The following NECAB2 variants were observed in gnomAD, a reference collection of about 807,000 sequenced individuals.
The protein encoded by NECAB2 is N-terminal EF-hand calcium-binding protein 2.
Under a neutral mutation model 51.9 loss-of-function variants are expected in NECAB2, and 68 were observed. The ratio of observed to expected loss-of-function variants is 1.31; its 90% CI spans 1.08 to 1.60. The LOEUF is 1.60. Ranked by LOEUF, NECAB2 falls within the 40% of genes most tolerant of loss-of-function variation. The probability of loss-of-function intolerance (pLI) is 0.00; values close to 1 mark genes in which losing one functional copy is unlikely to be tolerated. For synonymous variants in NECAB2, 329 were observed against 203.5 expected, an observed-to-expected ratio of 1.62 and a Z score of -5.25; for missense variants, 854 against 490.3, an observed-to-expected ratio of 1.74 and a Z score of -7.00.
intron 5 of NECAB2, among the ~76,000 whole-genome samples, 193 bp from the exon 6 acceptor site, chr16:83,990,301 C>G (rs969197545): frequency 2.6e-5 from 4 of 152,182 alleles, no homozygotes; most frequent in Non-Finnish European, 5.9e-5. Context: ...CAAATTTGGT[C>G]TCTAAACCTC....
chr16:83,997,183 G>C (rs1457866936), intron 8 of NECAB2, 33 bp from the exon 9 acceptor site: 3 of 1,613,810 alleles, frequency 1.9e-6, no homozygotes, highest in East Asian at 2.2e-5. Context: ...TGGGGCTCTG[G>C]GTCTAGCATC....
Position 83,972,137 on chromosome 16 carries a change from T to C in NECAB2, c.202-14T>C. The C allele has an allele frequency of 1.9e-6, 3 of 1,613,182 alleles. No individual in the cohort carries two copies. The highest frequency in any genetic ancestry group is 2.5e-6 in the Non-Finnish European group (3 of 1,179,982). On this transcript the variant is annotated splice_polypyrimidine_tract_variant and intron_variant, in intron 1 of 12. Coordinates refer to ENST00000305202, the MANE Select transcript of NECAB2 (RefSeq NM_019065.3). The stretch of plus-strand genomic sequence containing the variant: ...TCCCTGGCCCAGGGCTGACTCCGCC[T>C]CTCTTTTCTGCAGATTTTCCGCCGT...
Position 83,994,382 on chromosome 16 carries a change from A to G in NECAB2, c.677A>G (p.Lys226Arg), listed in dbSNP as rs1567675576. 2 of 1,614,156 alleles carry G rather than the reference A, an allele frequency of 1.2e-6. No individual in the cohort carries two copies. Among genetic ancestry groups the G allele is most frequent in the Admixed American group, 1.7e-5 (1 of 60,012 alleles). ...ACTCCCGCCTCTGCCCCCAACCACA[A>G]GCTCATGGCTATGGAACAAGGCAAG... Reference protein sequence around the residue: ...SPTPASAPNHKLMAMEQGKTL... With the variant: ...SPTPASAPNHRLMAMEQGKTL... Residue 226 changes from lysine (K) to arginine (R), a missense_variant, in exon 7 of 13, where the codon AAG becomes AGG. Transcript: ENST00000305202.
At chr16:83,965,302 C>T (rs371180077), upstream of NECAB2, 9 of 1,596,164 alleles carry the variant, frequency 5.6e-6, no homozygotes, top group South Asian at 9.0e-5. Flanking sequence ...GCAACGTGGT[C>T]CTCGCCACAG....
Position 83,994,667 on chromosome 16 carries a change from G to C in NECAB2, c.774G>C (p.Leu258=), listed in dbSNP as rs767572295. Residue 258 remains leucine (L), a synonymous_variant, in exon 8 of 13, where the codon CTG becomes CTC. Coordinates refer to ENST00000305202, the MANE Select transcript of NECAB2 (RefSeq NM_019065.3). ...CCCAGATCAGCCGCTTGGCAGAGCT[G>C]ATTGGGAGGCTGGAGAGCAAAGTAA... is the stretch of plus-strand genomic sequence containing the variant. ...LEAQISRLAE[L]IGRLESKALW... 1.9e-6 allele frequency: 3 copies of C among 1,614,134 alleles called. No homozygotes were observed. Among genetic ancestry groups the C allele is most frequent in the Admixed American group, 1.7e-5 (1 of 60,024 alleles).
intron 10 of NECAB2, among the ~76,000 whole-genome samples, chr16:84,000,076 G>T (rs1221436739): frequency 6.8e-6 from 1 of 147,698 alleles, no homozygotes; most frequent in Admixed American, 6.6e-5. Flanking sequence ...TTTTTTTAAA[G>T]AGACAGTGTT....
chr16:83,997,613 G>C (rs1361165120), intron 9 of NECAB2, among the ~76,000 whole-genome samples: 1 of 149,002 alleles, frequency 6.7e-6, no homozygotes, highest in African/African-American at 2.5e-5. Flanking sequence ...TCAGCCTCCT[G>C]AGTAGCTGGG....
At chr16:83,998,708 A>G (rs2084758264) in intron 10 of NECAB2, among the ~76,000 whole-genome samples, 1 of 152,222 alleles carries the variant, frequency 6.6e-6, no homozygotes, top group Non-Finnish European at 1.5e-5. Flanking sequence ...ACTTAAGTCC[A>G]GGCCCAGAAT....
intron 5 of NECAB2, among the ~76,000 whole-genome samples, chr16:83,987,445 G>A (rs1418169134): frequency 5.3e-5 from 8 of 152,144 alleles, no homozygotes; most frequent in Non-Finnish European, 4.4e-5. Context: ...ATAATGGTAC[G>A]TAGTTGATAT....
chr16:84,000,793 G>A lies in NECAB2; in HGVS notation c.1032G>A (p.Ala344=), dbSNP rs113004568. The stretch of plus-strand genomic sequence containing the variant: ...ATGAGTTCTGGGAGACAGAGGAGGC[G>A]TGGAAGAGGTGAGATGCTGGGTCCC... The part of the protein sequence containing the change: ...VIYEFWETEE[A]WKRHLQSPLC... The change falls in exon 11 of 13, where the codon GCG becomes GCA. Residue 344 remains alanine (A), a synonymous_variant. Coordinates refer to ENST00000305202, the MANE Select transcript of NECAB2 (RefSeq NM_019065.3). 1,646 of 1,613,610 alleles carry A rather than the reference G, an allele frequency of 1.0e-3. 4 individuals carry two copies. Among genetic ancestry groups the A allele is most frequent in the African/African-American group, 2.4e-3 (179 of 75,042 alleles).
intron 2 of NECAB2, among the ~76,000 whole-genome samples, chr16:83,973,782 G>T (rs916248665): frequency 6.6e-6 from 1 of 152,104 alleles, no homozygotes; most frequent in Non-Finnish European, 1.5e-5. Context: ...GTTTGTTGGT[G>T]AGAGCGTGGC....
In NECAB2 at chr16:83,977,879, T is replaced by C. The variant is rs149727580; in HGVS notation, c.227-565T>C. On this transcript the variant is annotated intron_variant, in intron 2 of 12. Transcript: ENST00000305202. ...GAGAGTCAGGGCTTAGGGGCTGGGATTGGGGTTGGGAGCATGCAGAGACCA... is the reference window on the plus strand; with the variant it reads ...GAGAGTCAGGGCTTAGGGGCTGGGACTGGGGTTGGGAGCATGCAGAGACCA... Among the ~76,000 whole-genome samples the C allele has an allele frequency of 3.7e-4, 56 of 152,126 alleles. 1 individual carries two copies. Among genetic ancestry groups the C allele is most frequent in the African/African-American group, 1.2e-3 (50 of 41,522 alleles).
In NECAB2 at chr16:83,994,706, C is replaced by T; in HGVS notation, c.795+18C>T. On this transcript the variant is annotated intron_variant, in intron 8 of 12. Transcript: ENST00000305202. Reference sequence around the variant, plus strand: ...AGAGCAAAGTAAGCCCTGGCCTGACCACGGCGTCTACTCCTTCCAACCCCT... The same window carrying T: ...AGAGCAAAGTAAGCCCTGGCCTGACTACGGCGTCTACTCCTTCCAACCCCT... The T allele has an allele frequency of 6.2e-7, 1 of 1,613,496 alleles. No individual in the cohort carries two copies. Among genetic ancestry groups the T allele is most frequent in the Non-Finnish European group, 8.5e-7 (1 of 1,179,774 alleles).
rs566046010 is a variant in NECAB2, at chr16:83,999,935, A to T, written c.963-789A>T. On this transcript the variant is annotated intron_variant, in intron 10 of 12. Transcript: ENST00000305202. ...TTGCTTTATTGTCCAGGCAGGAGTG[A>T]GTGTGTAGTAGTGGAAGCTCAGCTC... Among the ~76,000 whole-genome samples, 48 of 150,294 alleles carry T rather than the reference A, an allele frequency of 3.2e-4. 1 individual carries two copies. Among genetic ancestry groups the T allele is most frequent in the African/African-American group, 1.1e-3 (45 of 39,730 alleles).
In NECAB2 at chr16:83,990,641, G is replaced by C; in HGVS notation, c.596+11G>C. On this transcript the variant is annotated intron_variant, in intron 6 of 12. Transcript: ENST00000305202. The stretch of plus-strand genomic sequence containing the variant: ...GACCAGCCAGCTCCGGTGAGTCTCT[G>C]AGACCCTGCAGGGTCCCATGGGGGT... 6.2e-7 allele frequency: 1 copy of C among 1,613,910 alleles called. No individual in the cohort carries two copies. Among genetic ancestry groups the C allele is most frequent in the Admixed American group, 1.7e-5 (1 of 60,022 alleles).
chr16:83,998,728 G>A (rs998906551), intron 10 of NECAB2, among the ~76,000 whole-genome samples: 1 of 152,222 alleles, frequency 6.6e-6, no homozygotes, highest in African/African-American at 2.4e-5. Context: ...TGTAGTATTT[G>A]CTCAGTTAAC....
At chr16:83,983,878 G>A (rs1011952005) in intron 5 of NECAB2, among the ~76,000 whole-genome samples, 5 of 151,880 alleles carry the variant, frequency 3.3e-5, no homozygotes, top group East Asian at 1.9e-4. Flanking sequence ...TATCCATAAC[G>A]CTTGGGTCTC....
At chr16:83,992,589 G>A (rs1031141882) in intron 6 of NECAB2, among the ~76,000 whole-genome samples, 4 of 152,182 alleles carry the variant, frequency 2.6e-5, no homozygotes, top group African/African-American at 9.7e-5. Context: ...TTTGCTGGGG[G>A]ACTGGGGTTT....
intron 5 of NECAB2, among the ~76,000 whole-genome samples, chr16:83,986,895 G>A (rs970658197): frequency 1.3e-5 from 2 of 152,126 alleles, no homozygotes; most frequent in Non-Finnish European, 2.9e-5. Flanking sequence ...AGGGAGGGTA[G>A]GAGTGGGGTT....
Sources: gnomAD v4.1 joint callset for allele counts (sites outside exome capture counted in the v4.1 genomes callset) on GRCh38, gnomAD v4.1.1 for gene constraint, MANE v1.5 for transcripts, NCBI Gene and HGNC (gene_info 2026-07-23, HGNC 2026-07-21) for gene names.